Variants in NDST4 observed in about 807,000 individuals in gnomAD.
The protein encoded by NDST4 is N-deacetylase and N-sulfotransferase 4.
Under a neutral mutation model 100.8 loss-of-function variants are expected in NDST4, and 63 were observed. That is an observed-to-expected ratio of 0.62 (90% CI 0.51 to 0.77). NDST4 has a LOEUF of 0.77. Among genes scored for constraint, NDST4 ranks in the 30% least tolerant of loss-of-function variants. NDST4 has a pLI of 0.00. For missense variants in NDST4, 943 were observed against 1,018.4 expected, an observed-to-expected ratio of 0.93 and a Z score of 1.01; for synonymous variants, 377 against 361.8, an observed-to-expected ratio of 1.04 and a Z score of -0.48.
intron 7 of NDST4, among the ~76,000 whole-genome samples, chr4:114,866,966 T>A (rs930873866): frequency 1.3e-5 from 2 of 152,168 alleles, no homozygotes; most frequent in Non-Finnish European, 2.9e-5. Context: ...ATGATAATAG[T>A]ATACTTGCTT....
At chr4:115,106,194 G>A (rs963470576) in intron 1 of NDST4, among the ~76,000 whole-genome samples, 1 of 152,056 alleles carries the variant, frequency 6.6e-6, no homozygotes, top group Non-Finnish European at 1.5e-5. Context: ...ATGAGGCATC[G>A]GGAAACTGAG....
At chr4:114,838,933 A>T (rs1723366393) in intron 11 of NDST4, among the ~76,000 whole-genome samples, 1 of 151,904 alleles carries the variant, frequency 6.6e-6, no homozygotes, top group Admixed American at 6.6e-5. Flanking sequence ...CTAGTGCATG[A>T]CCTTCTTTCC....
At chr4:115,091,627 C>T (rs980487699) in intron 1 of NDST4, among the ~76,000 whole-genome samples, 3 of 152,018 alleles carry the variant, frequency 2.0e-5, no homozygotes, top group Non-Finnish European at 2.9e-5. Context: ...AAAGTTGTCA[C>T]ATTATGTGGT....
intron 2 of NDST4, among the ~76,000 whole-genome samples, chr4:115,061,416 A>T (rs1578491414): frequency 1.3e-5 from 2 of 152,142 alleles, no homozygotes; most frequent in South Asian, 4.1e-4. Context: ...AATGTGGCAC[A>T]TATACACCAT....
At chr4:115,004,443 C>T (rs951970395) in intron 2 of NDST4, among the ~76,000 whole-genome samples, 2 of 152,296 alleles carry the variant, frequency 1.3e-5, no homozygotes, top group Non-Finnish European at 2.9e-5. Context: ...GCTTTTGCAG[C>T]TGGCTCATGG....
intron 6 of NDST4, among the ~76,000 whole-genome samples, chr4:114,909,787 TAA>T (rs1359959311): frequency 1.3e-5 from 2 of 152,054 alleles, no homozygotes; most frequent in Non-Finnish European, 2.9e-5. Flanking sequence ...TATTGGTTAA[TAA>T]AGACAATTTT....
rs143870994 is a variant in NDST4 at position 115,022,829 on chromosome 4, C to G, written c.979-45555G>C. 7.7e-3 allele frequency among the ~76,000 whole-genome samples: 1,175 copies of G among 152,256 alleles called. 11 individuals are homozygous for G. The highest frequency in any genetic ancestry group is 0.025 in the African/African-American group (1,027 of 41,564). ...AAAAATAGGAATTTCCCTGCACAAG[C>G]TCTCTTTGCCTGCTGCCATCCATGT... is the stretch of plus-strand genomic sequence containing the variant. On this transcript the variant is annotated intron_variant, in intron 2 of 13. Coordinates refer to ENST00000264363, the MANE Select transcript of NDST4 (RefSeq NM_022569.3).
intron 2 of NDST4, among the ~76,000 whole-genome samples, chr4:115,044,959 C>CA (rs1218687686): frequency 6.6e-6 from 1 of 150,862 alleles, no homozygotes; most frequent in Admixed American, 6.7e-5. Context: ...TAAGTGTCGA[C>CA]AAAAATGTGA....
intron 10 of NDST4, among the ~76,000 whole-genome samples, chr4:114,843,428 T>A (rs931593770): frequency 6.6e-6 from 1 of 152,198 alleles, no homozygotes; most frequent in African/African-American, 2.4e-5. Flanking sequence ...CTACTACAGA[T>A]CATGTTTTCT....
At chr4:115,010,536 T>C (rs1480947648) in intron 2 of NDST4, among the ~76,000 whole-genome samples, 1 of 126,020 alleles carries the variant, frequency 7.9e-6, no homozygotes, top group East Asian at 2.5e-4. Flanking sequence ...GGGACTGTTG[T>C]GGGGTTGGGG....
At chr4:114,954,611 T>C (rs1345863760) in intron 4 of NDST4, among the ~76,000 whole-genome samples, 1 of 152,178 alleles carries the variant, frequency 6.6e-6, no homozygotes, top group Non-Finnish European at 1.5e-5. Flanking sequence ...TACGGAAAAG[T>C]TAAATTTTGA....
intron 2 of NDST4, among the ~76,000 whole-genome samples, chr4:114,992,083 T>C (rs1416127329): frequency 6.6e-6 from 1 of 151,968 alleles, no homozygotes; most frequent in African/African-American, 2.4e-5. Context: ...TATATGTTAG[T>C]ATGGTACAGT....
At chr4:114,907,619 CAGATA>C (rs1389499098) in intron 6 of NDST4, among the ~76,000 whole-genome samples, 1 of 151,898 alleles carries the variant, frequency 6.6e-6, no homozygotes, top group African/African-American at 2.4e-5. Context: ...AAACAGGAGA[CAGATA>C]AGCTAACAGG....
intron 2 of NDST4, among the ~76,000 whole-genome samples, chr4:115,005,175 A>C (rs1727385966): frequency 6.6e-6 from 1 of 152,162 alleles, no homozygotes; most frequent in Non-Finnish European, 1.5e-5. Flanking sequence ...TTGAGTGTTC[A>C]CTTTTTTCCA....
intron 1 of NDST4, among the ~76,000 whole-genome samples, chr4:115,085,810 T>G (rs529751464): frequency 6.6e-6 from 1 of 152,266 alleles, no homozygotes; most frequent in East Asian, 1.9e-4. Context: ...ACTTAGTACC[T>G]CATCTTTCAA....
At chr4:114,884,817 T>C (rs1560794581) in intron 6 of NDST4, among the ~76,000 whole-genome samples, 1 of 152,140 alleles carries the variant, frequency 6.6e-6, no homozygotes, top group Admixed American at 6.6e-5. Flanking sequence ...AATATCGTGA[T>C]TGACACTATC....
intron 6 of NDST4, among the ~76,000 whole-genome samples, chr4:114,886,846 C>T (rs77846781): frequency 0.078 from 11,832 of 152,046 alleles, 510 homozygotes; most frequent in African/African-American, 0.1. Flanking sequence ...AATAACAAAA[C>T]GAATTTTTGA....
chr4:114,905,344 T>C (rs72681411), intron 6 of NDST4, among the ~76,000 whole-genome samples: 34 of 152,012 alleles, frequency 2.2e-4, no homozygotes, highest in African/African-American at 7.0e-4. Context: ...CTCTGTGATA[T>C]GTTAATGGGG....
Position 114,868,580 on chromosome 4 carries a change from T to C in NDST4, c.1719+2188A>G, listed in dbSNP as rs1724082338. ...ATAATTCTCCCTTTAACTTAACTACTCTATTTTCTATTCCTTGTTTTTCTT... is the reference window on the plus strand; with the variant it reads ...ATAATTCTCCCTTTAACTTAACTACCCTATTTTCTATTCCTTGTTTTTCTT... On this transcript the variant is annotated intron_variant, in intron 7 of 13. Coordinates refer to ENST00000264363, the MANE Select transcript of NDST4 (RefSeq NM_022569.3). 2.0e-5 allele frequency among the ~76,000 whole-genome samples: 3 copies of C among 152,040 alleles called. No homozygotes were observed. The South Asian group carries it at 6.2e-4, about 32-fold the overall frequency.
Sources: allele counts gnomAD v4.1 joint callset (sites outside exome capture counted in the v4.1 genomes callset), GRCh38; gene constraint gnomAD v4.1.1; transcripts MANE v1.5; gene names NCBI Gene and HGNC (gene_info 2026-07-23, HGNC 2026-07-21).